ARMH3: variants seen among roughly 807,000 people sequenced by gnomAD.
ARMH3 encodes the protein armadillo-like helical domain-containing protein 3.
Under a neutral mutation model 99.1 loss-of-function variants are expected in ARMH3, and 60 were observed. The observed-to-expected ratio is 0.61, with a 90% CI of 0.49 to 0.75. ARMH3 has a LOEUF of 0.75. Among genes scored for constraint, ARMH3 ranks in the 30% least tolerant of loss-of-function variants. ARMH3 has a pLI of 0.00. For synonymous variants in ARMH3, 285 were observed against 292.8 expected (o/e 0.97, Z 0.27); for missense variants, 679 against 843.1 (o/e 0.81, Z 2.41).
At chr10:101,978,218 G>C (rs1846088967) in intron 19 of ARMH3, among the ~76,000 whole-genome samples, 1 of 151,168 alleles carries the variant, frequency 6.6e-6, no homozygotes, top group African/African-American at 2.5e-5. Flanking sequence ...AAGAACATTT[G>C]ATGCCAGGAG....
chr10:101,951,387 T>C (rs527490846), intron 22 of ARMH3, among the ~76,000 whole-genome samples: 3 of 151,956 alleles, frequency 2.0e-5, no homozygotes, highest in South Asian at 2.1e-4. Flanking sequence ...CTGGGCAACA[T>C]AGGGCAACCT....
At chr10:101,872,299 A>C (rs2067149466) in intron 24 of ARMH3, among the ~76,000 whole-genome samples, 1 of 151,958 alleles carries the variant, frequency 6.6e-6, no homozygotes, top group Admixed American at 6.6e-5. Flanking sequence ...AAAATATATA[A>C]AAACTCATAA....
At chr10:101,928,568 C>T (rs956205972) in intron 23 of ARMH3, among the ~76,000 whole-genome samples, 3 of 152,186 alleles carry the variant, frequency 2.0e-5, no homozygotes, top group African/African-American at 7.2e-5. Flanking sequence ...ACTTGGAAGG[C>T]TAAGGCAGGA....
At chr10:102,047,486 CTTT>C (rs796094967) in intron 1 of ARMH3, among the ~76,000 whole-genome samples, 2 of 141,306 alleles carry the variant, frequency 1.4e-5, no homozygotes. Flanking sequence ...TTGAACCAAA[CTTT>C]TTTTTTTTTT....
intron 23 of ARMH3, among the ~76,000 whole-genome samples, chr10:101,933,721 T>C (rs1843826856): frequency 6.6e-6 from 1 of 152,210 alleles, no homozygotes. Flanking sequence ...AGGTCATGAT[T>C]GATAAATTCT....
intron 5 of ARMH3, among the ~76,000 whole-genome samples, chr10:102,028,961 T>TCC (rs2067062169): frequency 6.6e-6 from 1 of 152,176 alleles, no homozygotes; most frequent in South Asian, 2.1e-4. Context: ...AACCTCCACC[T>TCC]CCCAGGTTCA....
chr10:102,051,638 T>C (rs1326870175), intron 1 of ARMH3, among the ~76,000 whole-genome samples: 1 of 152,034 alleles, frequency 6.6e-6, no homozygotes, highest in African/African-American at 2.4e-5. Flanking sequence ...CTCTAGACAA[T>C]GCTCCCCTCA....
chr10:101,973,890 C>T (rs114189640), intron 20 of ARMH3, among the ~76,000 whole-genome samples: 66 of 152,342 alleles, frequency 4.3e-4, no homozygotes, highest in African/African-American at 1.6e-3. Context: ...ATCTGAAGAT[C>T]TGCATCATTA....
intron 24 of ARMH3, among the ~76,000 whole-genome samples, chr10:101,861,997 C>T (rs2066885349): frequency 1.5e-5 from 2 of 132,618 alleles, no homozygotes; most frequent in African/African-American, 2.9e-5. Context: ...TGCAGTGAGC[C>T]GAGATTGTGC....
At chr10:101,921,630 T>C (rs1028649256) in intron 23 of ARMH3, among the ~76,000 whole-genome samples, 19 of 152,222 alleles carry the variant, frequency 1.2e-4, no homozygotes, top group African/African-American at 4.6e-4. Context: ...TATATACACA[T>C]GATGGAATAC....
intron 24 of ARMH3, among the ~76,000 whole-genome samples, chr10:101,882,563 G>C (rs546546341): frequency 6.6e-6 from 1 of 152,136 alleles, no homozygotes; most frequent in East Asian, 1.9e-4. Context: ...GCAGTGGCAC[G>C]ATCTCGGCTC....
At position 102,023,464 on chromosome 10, in the gene ARMH3, G is replaced by C; in HGVS notation, c.669+13C>G. ...TAGGCAGATAACAACTGTCCACTAA[G>C]GAGCCCAGTTACCTCATATTTTCTA... is the stretch of plus-strand genomic sequence containing the variant. On this transcript the variant is annotated intron_variant, in intron 8 of 25. Coordinates refer to ENST00000370033, the MANE Select transcript of ARMH3 (RefSeq NM_024541.3). 1 of 1,607,490 alleles carries C rather than the reference G, an allele frequency of 6.2e-7. No homozygotes were observed.
intron 19 of ARMH3, among the ~76,000 whole-genome samples, chr10:101,976,752 G>A (rs1846030992): frequency 6.6e-6 from 1 of 151,952 alleles, no homozygotes; most frequent in African/African-American, 2.4e-5. Flanking sequence ...AAAATTAGCT[G>A]GGCATGGTGG....
chr10:102,034,595 T>C (rs1206733110), intron 2 of ARMH3, among the ~76,000 whole-genome samples: 1 of 148,540 alleles, frequency 6.7e-6, no homozygotes, highest in South Asian at 2.1e-4. Context: ...GAGATCACAC[T>C]GCTGCACTCC....
At chr10:101,945,653 G>A (rs1433083696) in intron 22 of ARMH3, among the ~76,000 whole-genome samples, 5 of 152,034 alleles carry the variant, frequency 3.3e-5, no homozygotes, top group African/African-American at 1.2e-4. Context: ...AGGAGGCAGA[G>A]GTTGCAGTGA....
At chr10:101,993,298 A>T (rs1846892229) in intron 17 of ARMH3, among the ~76,000 whole-genome samples, 1 of 152,008 alleles carries the variant, frequency 6.6e-6, no homozygotes, top group South Asian at 2.1e-4. Context: ...AAAAAAAAAA[A>T]AAAGAAATCC....
At chr10:101,862,154 G>C (rs1186340628) in intron 24 of ARMH3, among the ~76,000 whole-genome samples, 3 of 151,620 alleles carry the variant, frequency 2.0e-5, no homozygotes, top group African/African-American at 4.9e-5. Flanking sequence ...TAAATACATG[G>C]GTAAACAGAA....
At chr10:102,050,045 AG>A in intron 1 of ARMH3, among the ~76,000 whole-genome samples, 1 of 152,270 alleles carries the variant, frequency 6.6e-6, no homozygotes, top group East Asian at 1.9e-4. Context: ...CGGGAGTCTG[AG>A]GCACGAGAAT....
chr10:101,959,976 G>A (rs550481634), intron 20 of ARMH3, among the ~76,000 whole-genome samples: 3 of 152,284 alleles, frequency 2.0e-5, no homozygotes, highest in African/African-American at 4.8e-5. Flanking sequence ...TCAGGAGTTC[G>A]AGAACAGCCT....
Sources: gnomAD v4.1 joint callset for allele counts (sites outside exome capture counted in the v4.1 genomes callset) on GRCh38, gnomAD v4.1.1 for gene constraint, MANE v1.5 for transcripts, NCBI Gene and HGNC (gene_info 2026-07-23, HGNC 2026-07-21) for gene names.